CRACDL: variants seen among roughly 807,000 people sequenced by gnomAD.
CRACDL encodes the protein CRACD-like protein.
In CRACDL, 26 loss-of-function variants were observed where a neutral mutation model predicts 70.6. That is an observed-to-expected ratio of 0.37 (90% CI 0.27 to 0.51). The LOEUF (loss-of-function observed/expected upper bound fraction) is 0.51, where lower values mean the gene tolerates loss of function less well. Ranked by LOEUF, CRACDL falls within the 20% of genes least tolerant of loss-of-function variation. The pLI, the probability that CRACDL is intolerant of heterozygous loss-of-function variation, is 0.94. For synonymous variants in CRACDL, 618 were observed against 615.2 expected (o/e 1.00, Z -0.07); for missense variants, 1,283 against 1,376.9 (o/e 0.93, Z 1.08).
At chr2:98,901,896 C>T (rs1260731986) in intron 1 of CRACDL, among the ~76,000 whole-genome samples, 1 of 152,128 alleles carries the variant, frequency 6.6e-6, no homozygotes, top group African/African-American at 2.4e-5. Flanking sequence ...CAGCCCCTCC[C>T]CAAGAACTCG....
At chr2:98,916,524 G>C (rs1708671247) in intron 1 of CRACDL, among the ~76,000 whole-genome samples, 1 of 151,962 alleles carries the variant, frequency 6.6e-6, no homozygotes, top group African/African-American at 2.4e-5. Flanking sequence ...AAAAAATGCT[G>C]ATTATAAAAA....
At position 98,838,181 on chromosome 2, in the gene CRACDL, C is replaced by T. The variant is rs1450580453; in HGVS notation, c.177G>A (p.Thr59=). ...ATTCGATGGCAATGACCTCATTCCT[C>T]GTCTGACTTTGTTTCCAGGTGCTAC... ...TGSSTWKQSQ[T]RNEVIAIESG... Residue 59 remains threonine (T), a synonymous_variant, in exon 3 of 10, where the codon ACG becomes ACA. Coordinates refer to ENST00000397899, the MANE Select transcript of CRACDL (RefSeq NM_207362.3). 5 of 1,614,074 alleles carry T rather than the reference C, an allele frequency of 3.1e-6. No individual in the cohort carries two copies. The East Asian group carries it at 6.7e-5, about 22-fold the overall frequency.
At position 98,821,913 on chromosome 2, in the gene CRACDL, C is replaced by T. The variant is rs766219898; in HGVS notation, c.2360G>A (p.Arg787Gln). 8 of 1,598,716 alleles carry T rather than the reference C, an allele frequency of 5.0e-6. No individual in the cohort carries two copies. The highest frequency in any genetic ancestry group is 2.3e-5 in the East Asian group (1 of 44,436). Residue 787 changes from arginine to glutamine, a missense_variant, in exon 7 of 10, where the codon CGG becomes CAG. This residue lies in a region of CRACDL where 921 missense variants were observed against 881.9 expected (regional missense o/e 1.04). Coordinates refer to ENST00000397899, the MANE Select transcript of CRACDL (RefSeq NM_207362.3). Reference sequence around the variant, plus strand: ...CGTCCTGGGCTCCTTCCTGGGTTCCCGCTCTCCCGGGCCGGCGTCGGGGGG... The same window carrying T: ...CGTCCTGGGCTCCTTCCTGGGTTCCTGCTCTCCCGGGCCGGCGTCGGGGGG... Reference protein sequence around the residue: ...PAPPDAGPGEREPRKEPRTAE... With the variant: ...PAPPDAGPGEQEPRKEPRTAE...
chr2:98,823,210 G>A lies in CRACDL; in HGVS notation c.1063C>T (p.Pro355Ser). 1.4e-6 allele frequency: 2 copies of A among 1,426,756 alleles called. No individual in the cohort carries two copies. Among genetic ancestry groups the A allele is most frequent in the Non-Finnish European group, 1.8e-6 (2 of 1,091,330 alleles). 88.4% of individuals were successfully genotyped at this position (1,426,756 alleles called of 1,614,324 possible). ...TTCGGGGGGCCCTCCGGCGGGGACG[G>A]GGGCTCCACGCGGAGAGTGGGGGCC... ...ESAPTLRVEPPSPPEGPPNPG... is the reference protein window; with the variant it reads ...ESAPTLRVEPSSPPEGPPNPG... Residue 355 changes from proline (P) to serine (S), a missense_variant, in exon 7 of 10, where the codon CCG becomes TCG. Coordinates refer to ENST00000397899, the MANE Select transcript of CRACDL (RefSeq NM_207362.3). The surrounding 1 kb of genome is among the most constrained non-coding windows in gnomAD (Gnocchi z 4.0).
At chr2:98,926,606 T>C (rs934770108) in intron 1 of CRACDL, among the ~76,000 whole-genome samples, 1 of 152,112 alleles carries the variant, frequency 6.6e-6, no homozygotes, top group African/African-American at 2.4e-5. Context: ...TCCTCAGCAA[T>C]GTTCTCGCTG....
At chr2:98,901,501 G>T (rs1708280159) in intron 1 of CRACDL, among the ~76,000 whole-genome samples, 1 of 152,186 alleles carries the variant, frequency 6.6e-6, no homozygotes, top group Admixed American at 6.5e-5. Flanking sequence ...GTGGCCTGAG[G>T]CCCTAACCAA....
rs370481976 is a variant in CRACDL at position 98,827,270 on chromosome 2, A to C, written c.541-101T>G. The stretch of plus-strand genomic sequence containing the variant: ...TCTTTTCTGCCCAGGCTGTCTTCCC[A>C]CACTGTCTCTGGCTTTACGTGTGTG... On this transcript the variant is annotated intron_variant, in intron 5 of 9. Transcript: ENST00000397899. 11 of 794,658 alleles carry C rather than the reference A, an allele frequency of 1.4e-5. No individual in the cohort carries two copies. In the African/African-American group the frequency reaches 1.9e-4, roughly 14 times the overall value. 49.2% of individuals were successfully genotyped at this position (794,658 alleles called of 1,614,324 possible).
In CRACDL at chr2:98,822,460, G is replaced by T; in HGVS notation, c.1813C>A (p.Pro605Thr). ...SGRLPLARSG[P>T]VWRSEAALDD... Reference sequence around the variant, plus strand: ...AGAGCCGCCTCGCTCCTCCAGACCGGGCCGCTCCTCGCGAGGGGCAGGCGG... The same window carrying T: ...AGAGCCGCCTCGCTCCTCCAGACCGTGCCGCTCCTCGCGAGGGGCAGGCGG... Residue 605 changes from proline to threonine, a missense_variant, in exon 7 of 10, where the codon CCG becomes ACG. This residue lies in a region of CRACDL where 921 missense variants were observed against 881.9 expected (regional missense o/e 1.04). Coordinates refer to ENST00000397899, the MANE Select transcript of CRACDL (RefSeq NM_207362.3). This position sits in a 1 kb window ranked among gnomAD's most constrained non-coding sequence, Gnocchi z 4.9. The T allele has an allele frequency of 6.8e-7, 1 of 1,477,736 alleles. No individual in the cohort carries two copies. The highest frequency in any genetic ancestry group is 8.9e-7 in the Non-Finnish European group (1 of 1,122,358). The allele number at this position is 1,477,736 out of a possible 1,614,324, so 91.5% of individuals were successfully genotyped here.
intron 2 of CRACDL, among the ~76,000 whole-genome samples, chr2:98,842,888 G>GT (rs1706094366): frequency 6.6e-6 from 1 of 152,034 alleles, no homozygotes; most frequent in Non-Finnish European, 1.5e-5. Context: ...GTGTGTGTGT[G>GT]TGTGTGTGTG....
At chr2:98,907,677 T>C (rs919375739) in intron 1 of CRACDL, among the ~76,000 whole-genome samples, 9 of 152,260 alleles carry the variant, frequency 5.9e-5, no homozygotes, top group Admixed American at 1.3e-4. Context: ...TTGACTCACA[T>C]GCTTCCAGTT....
rs771102990 is a variant in CRACDL, at chr2:98,794,482, C to A, written c.*50G>T. On this transcript the variant is annotated 3_prime_UTR_variant, in exon 10 of 10. Transcript: ENST00000397899. ...GCCACAATACACTGGCAGTTTTTAACTAAGTGGCTTGTCAGGGTAGTGGAC... is the reference window on the plus strand; with the variant it reads ...GCCACAATACACTGGCAGTTTTTAAATAAGTGGCTTGTCAGGGTAGTGGAC... 1.3e-6 allele frequency: 2 copies of A among 1,555,058 alleles called. No individual in the cohort carries two copies. Among genetic ancestry groups the A allele is most frequent in the South Asian group, 2.3e-5 (2 of 87,694 alleles).
intron 1 of CRACDL, among the ~76,000 whole-genome samples, chr2:98,848,674 C>T (rs1038887158): frequency 3.9e-5 from 6 of 152,228 alleles, no homozygotes; most frequent in African/African-American, 1.4e-4. Flanking sequence ...TCCTCAACCT[C>T]CTGGGCTCAA....
chr2:98,800,769 A>G (rs1240484022), intron 7 of CRACDL, among the ~76,000 whole-genome samples: 3 of 152,242 alleles, frequency 2.0e-5, no homozygotes, highest in African/African-American at 7.2e-5. Flanking sequence ...TACCGAACAA[A>G]CACACACCAC....
intron 1 of CRACDL, among the ~76,000 whole-genome samples, chr2:98,911,182 G>A (rs1226019503): frequency 1.3e-5 from 2 of 152,186 alleles, no homozygotes; most frequent in Admixed American, 6.5e-5. Context: ...CAAGTATCTC[G>A]TCCTTAAAAG....
At chr2:98,861,245 G>A (rs1706922879) in intron 1 of CRACDL, among the ~76,000 whole-genome samples, 1 of 152,152 alleles carries the variant, frequency 6.6e-6, no homozygotes, top group East Asian at 1.9e-4. Context: ...TACTTGGGAG[G>A]CTGAGGAAGG....
chr2:98,885,713 A>G (rs569214917), intron 1 of CRACDL, among the ~76,000 whole-genome samples: 1 of 152,336 alleles, frequency 6.6e-6, no homozygotes, highest in Admixed American at 6.5e-5. Flanking sequence ...ACTGAGATTG[A>G]CAGGTTCTGC....
chr2:98,914,248 G>T (rs1708613350), intron 1 of CRACDL, among the ~76,000 whole-genome samples: 1 of 152,218 alleles, frequency 6.6e-6, no homozygotes, highest in African/African-American at 2.4e-5. Flanking sequence ...CATGGGAAGG[G>T]GCCCTTGAGC....
At chr2:98,878,489 G>A (rs1416550316) in intron 1 of CRACDL, among the ~76,000 whole-genome samples, 3 of 152,194 alleles carry the variant, frequency 2.0e-5, no homozygotes, top group Admixed American at 6.5e-5. Context: ...CTAGGTTTGC[G>A]TAAGCATATT....
chr2:98,868,903 T>C (rs1389283728), intron 1 of CRACDL, among the ~76,000 whole-genome samples: 1 of 152,148 alleles, frequency 6.6e-6, no homozygotes, highest in Non-Finnish European at 1.5e-5. Context: ...CTCAAGGAGA[T>C]AAAAAGTCTG....
Sources: allele counts gnomAD v4.1 joint callset (sites outside exome capture counted in the v4.1 genomes callset), GRCh38; gene constraint gnomAD v4.1.1; regional missense constraint gnomAD v4.1.1; non-coding constraint Gnocchi (gnomAD v3.1); transcripts MANE v1.5; gene names NCBI Gene and HGNC (gene_info 2026-07-23, HGNC 2026-07-21).